Variants in ADGRA3 observed in about 807,000 individuals in gnomAD.
The protein encoded by ADGRA3 is G-protein coupled receptor 125.
Under a neutral mutation model 119.8 loss-of-function variants are expected in ADGRA3, and 56 were observed. The observed-to-expected ratio is 0.47, with a 90% CI of 0.38 to 0.58. ADGRA3 has a LOEUF of 0.58. ADGRA3 is among the 20% of genes least tolerant of loss of function. The pLI, the probability that ADGRA3 is intolerant of heterozygous loss-of-function variation, is 0.00. For synonymous variants in ADGRA3, 607 were observed against 623.8 expected (o/e 0.97, Z 0.40); for missense variants, 1,516 against 1,649.0 (o/e 0.92, Z 1.40).
intron 10 of ADGRA3, 130 bp from the exon 11 acceptor site, chr4:22,424,482 T>C (rs1301422235): frequency 2.2e-6 from 2 of 912,798 alleles, no homozygotes; most frequent in East Asian, 4.9e-5. Context: ...CAACAGGCAC[T>C]TTACTTGTTT....
chr4:22,498,657 T>C (rs909747614), intron 1 of ADGRA3, among the ~76,000 whole-genome samples: 3 of 152,010 alleles, frequency 2.0e-5, no homozygotes, highest in Non-Finnish European at 4.4e-5. Flanking sequence ...GGCTCACGCC[T>C]GTAATCCCAG....
intron 12 of ADGRA3, 97 bp from the exon 13 acceptor site, chr4:22,413,911 T>C: frequency 1.3e-6 from 1 of 771,798 alleles, no homozygotes; most frequent in Admixed American, 3.3e-5. Context: ...TATAATTAGG[T>C]TGACTTCATT....
intron 16 of ADGRA3, chr4:22,398,142 A>C (rs1268359932): frequency 3.1e-6 from 3 of 981,592 alleles, no homozygotes; most frequent in Non-Finnish European, 3.6e-6. Flanking sequence ...TAACAGCCTA[A>C]AACAAAAATA....
intron 12 of ADGRA3, among the ~76,000 whole-genome samples, chr4:22,417,015 G>C (rs1344488420): frequency 6.6e-6 from 1 of 152,110 alleles, no homozygotes; most frequent in Non-Finnish European, 1.5e-5. Context: ...ATCAGAATGA[G>C]CCAAAGAAAC....
intron 17 of ADGRA3, among the ~76,000 whole-genome samples, chr4:22,391,867 TAAC>T (rs554368473): frequency 4.3e-4 from 65 of 152,246 alleles, no homozygotes; most frequent in African/African-American, 1.5e-3. Flanking sequence ...CAGCATTTCC[TAAC>T]AACCCCCCGC....
intron 1 of ADGRA3, among the ~76,000 whole-genome samples, chr4:22,477,206 C>A (rs1718080607): frequency 6.6e-6 from 1 of 152,116 alleles, no homozygotes; most frequent in African/African-American, 2.4e-5. Flanking sequence ...TATATAGTGA[C>A]TGACGTTAGA....
chr4:22,449,221 G>C (rs1328614863), intron 4 of ADGRA3, among the ~76,000 whole-genome samples: 4 of 151,186 alleles, frequency 2.6e-5, no homozygotes, highest in Admixed American at 6.6e-5. Flanking sequence ...AGTGAGCCAG[G>C]ACTGCAGCAC....
At chr4:22,508,823 A>T (rs1192791711) in intron 1 of ADGRA3, among the ~76,000 whole-genome samples, 1 of 152,174 alleles carries the variant, frequency 6.6e-6, no homozygotes, top group Non-Finnish European at 1.5e-5. Context: ...ACTTTTCTGC[A>T]ATCCCCAGTA....
chr4:22,499,852 T>G (rs1368662878), intron 1 of ADGRA3, among the ~76,000 whole-genome samples: 1 of 152,228 alleles, frequency 6.6e-6, no homozygotes, highest in Non-Finnish European at 1.5e-5. Flanking sequence ...TTGGACATAA[T>G]ATGCACTAGG....
intron 1 of ADGRA3, among the ~76,000 whole-genome samples, chr4:22,501,060 T>C (rs1719033517): frequency 1.3e-5 from 2 of 152,152 alleles, no homozygotes; most frequent in South Asian, 4.1e-4. Flanking sequence ...CTCAGACCTT[T>C]GAACCTAGAC....
intron 17 of ADGRA3, among the ~76,000 whole-genome samples, chr4:22,390,363 ACG>A (rs1353657726): frequency 5.8e-4 from 9 of 15,548 alleles, no homozygotes; most frequent in Admixed American, 2.1e-3. Context: ...TATATATAAT[ACG>A]TATTATATAT....
At chr4:22,497,144 C>T (rs1253891494) in intron 1 of ADGRA3, among the ~76,000 whole-genome samples, 1 of 152,160 alleles carries the variant, frequency 6.6e-6, no homozygotes, top group Non-Finnish European at 1.5e-5. Flanking sequence ...GACAGGGAAT[C>T]AGCCAGAACA....
chr4:22,508,675 A>G (rs1466755739), intron 1 of ADGRA3, among the ~76,000 whole-genome samples: 1 of 152,132 alleles, frequency 6.6e-6, no homozygotes, highest in Non-Finnish European at 1.5e-5. Flanking sequence ...GGCTGCACTC[A>G]TCTGGCAAAG....
intron 1 of ADGRA3, among the ~76,000 whole-genome samples, chr4:22,475,346 T>A (rs1046342187): frequency 8.5e-5 from 13 of 152,226 alleles, no homozygotes; most frequent in African/African-American, 2.7e-4. Context: ...ATTTCAATGT[T>A]TTCTGACGTG....
intron 10 of ADGRA3, among the ~76,000 whole-genome samples, chr4:22,424,993 T>C (rs770807581): frequency 6.6e-6 from 1 of 151,554 alleles, no homozygotes; most frequent in Non-Finnish European, 1.5e-5. Flanking sequence ...GAGAATCACT[T>C]GAAGCTGGGA....
chr4:22,495,082 C>T (rs1191920640), intron 1 of ADGRA3, among the ~76,000 whole-genome samples: 1 of 151,962 alleles, frequency 6.6e-6, no homozygotes, highest in East Asian at 1.9e-4. Flanking sequence ...TGGTTTCTCT[C>T]TCTCTCAAAA....
chr4:22,475,838 G>A (rs1473871473), intron 1 of ADGRA3, among the ~76,000 whole-genome samples: 2 of 152,060 alleles, frequency 1.3e-5, no homozygotes, highest in South Asian at 2.1e-4. Flanking sequence ...TATACTGCTC[G>A]GGTGATGGGT....
At chr4:22,440,020 GAT>G (rs1716549802) in intron 7 of ADGRA3, among the ~76,000 whole-genome samples, 1 of 152,092 alleles carries the variant, frequency 6.6e-6, no homozygotes, top group Non-Finnish European at 1.5e-5. Context: ...TTCTTAATGA[GAT>G]ATGTGTGCCT....
intron 1 of ADGRA3, among the ~76,000 whole-genome samples, chr4:22,487,934 C>T (rs1347083426): frequency 3.9e-5 from 6 of 151,986 alleles, no homozygotes; most frequent in African/African-American, 1.2e-4. Flanking sequence ...AAAAGTGTGG[C>T]GGGTGAAGCC....
Sources: gnomAD v4.1 joint callset for allele counts (sites outside exome capture counted in the v4.1 genomes callset) on GRCh38, gnomAD v4.1.1 for gene constraint, MANE v1.5 for transcripts, NCBI Gene and HGNC (gene_info 2026-07-23, HGNC 2026-07-21) for gene names.